The following GREB1L variants were observed in gnomAD, a reference collection of about 807,000 sequenced individuals.
GREB1L encodes the protein GREB1-like protein.
GREB1L carries 17 observed loss-of-function variants against 200.8 expected under a neutral mutation model. That is an observed-to-expected ratio of 0.08 (90% CI 0.06 to 0.13). GREB1L has a LOEUF of 0.13. Ranked by LOEUF, GREB1L falls within the 10% of genes least tolerant of loss-of-function variation. The pLI, the probability that GREB1L is intolerant of heterozygous loss-of-function variation, is 1.00. For synonymous variants in GREB1L, 789 were observed against 893.0 expected (o/e 0.88, Z 2.08); for missense variants, 1,657 against 2,367.7 (o/e 0.70, Z 6.23).
At chr18:21,517,990 A>G (rs1225074637) in intron 30 of GREB1L, 44 bp from the exon 31 acceptor site, 2 of 1,443,004 alleles carry the variant, frequency 1.4e-6, no homozygotes, top group African/African-American at 1.4e-5. Flanking sequence ...TGTTTAATCC[A>G]GTGACAGACA....
chr18:21,441,460 C>G lies in GREB1L; in HGVS notation c.1130C>G (p.Pro377Arg). The G allele has an allele frequency of 6.4e-7, 1 of 1,551,534 alleles. No homozygotes were observed. The highest frequency in any genetic ancestry group is 8.7e-7 in the Non-Finnish European group (1 of 1,146,848). ...CTAACTGGAATTTTACAACCCAGGC[C>G]CATTCCTGCAGGGGAAACTGTAATT... ...TPLTGILQPR[P>R]IPAGETVIVP... The change falls in exon 10 of 33, where the codon CCC (proline) becomes CGC (arginine). Residue 377 changes from proline (P) to arginine (R), a missense_variant. Pro to Arg is a moderately radical substitution (Grantham distance 103). Coordinates refer to ENST00000424526, the MANE Select transcript of GREB1L (RefSeq NM_001142966.3).
intron 1 of GREB1L, among the ~76,000 whole-genome samples, chr18:21,278,477 G>T (rs1322853263): frequency 6.6e-6 from 1 of 151,800 alleles, no homozygotes; most frequent in Non-Finnish European, 1.5e-5. Context: ...AGTGGTAAAT[G>T]TTGAGAATTT....
chr18:21,521,640 C>A (rs1315919954), intron 32 of GREB1L, among the ~76,000 whole-genome samples: 1 of 151,996 alleles, frequency 6.6e-6, no homozygotes, highest in Non-Finnish European at 1.5e-5. Context: ...GCACTGGAGG[C>A]TGCTGCTTGC....
intron 1 of GREB1L, among the ~76,000 whole-genome samples, chr18:21,350,945 A>G (rs1442689057): frequency 2.0e-5 from 3 of 151,916 alleles, no homozygotes; most frequent in African/African-American, 4.8e-5. Flanking sequence ...ACCTCATCTT[A>G]TTTATTCTCA....
At chr18:21,278,380 C>CAA (rs550496435) in intron 1 of GREB1L, among the ~76,000 whole-genome samples, 97 of 106,328 alleles carry the variant, frequency 9.1e-4, no homozygotes, top group Admixed American at 1.8e-3. Context: ...GACTCCATCT[C>CAA]AAAAAAAAAA....
chr18:21,391,261 A>G (rs1205047043), intron 4 of GREB1L, among the ~76,000 whole-genome samples: 1 of 152,168 alleles, frequency 6.6e-6, no homozygotes, highest in East Asian at 1.9e-4. Context: ...TTCTGTGTTT[A>G]CATATGTTTA....
intron 4 of GREB1L, among the ~76,000 whole-genome samples, chr18:21,394,797 T>C (rs540367336): frequency 2.6e-5 from 4 of 152,102 alleles, no homozygotes; most frequent in Admixed American, 2.6e-4. Flanking sequence ...AAGTTTGTTG[T>C]GTATTCACCA....
intron 7 of GREB1L, among the ~76,000 whole-genome samples, chr18:21,434,573 A>G (rs291789): frequency 0.033 from 4,154 of 127,620 alleles, 388 homozygotes; most frequent in African/African-American, 0.13. Context: ...ATATGTGTGT[A>G]TATATATATA....
chr18:21,299,747 C>T lies in GREB1L; in HGVS notation c.-120+57354C>T, dbSNP rs186016282. Among the ~76,000 whole-genome samples the T allele has an allele frequency of 5.7e-4, 86 of 152,210 alleles. 1 individual carries two copies. Among genetic ancestry groups the T allele is most frequent in the African/African-American group, 7.9e-4 (33 of 41,534 alleles). ...TTCAAATCTTGACATGCTATTTTCA[C>T]GCCCTTTCTTGGAATTCTGAAACCT... On this transcript the variant is annotated intron_variant, in intron 1 of 32. Transcript: ENST00000424526.
intron 15 of GREB1L, among the ~76,000 whole-genome samples, chr18:21,469,871 G>T (rs948242348): frequency 6.6e-6 from 1 of 151,964 alleles, no homozygotes; most frequent in African/African-American, 2.4e-5. Flanking sequence ...TATTAACAAA[G>T]AAATTCTTAA....
intron 7 of GREB1L, among the ~76,000 whole-genome samples, chr18:21,431,919 C>CTTTTTTTTT (rs773523492): frequency 1.6e-3 from 145 of 91,240 alleles, no homozygotes; most frequent in East Asian, 2.9e-3. Flanking sequence ...CTTTTCTTTT[C>CTTTTTTTTT]TTTTTTTTTT....
chr18:21,254,144 A>G (rs2037762343), intron 1 of GREB1L, among the ~76,000 whole-genome samples: 1 of 133,586 alleles, frequency 7.5e-6, no homozygotes, highest in Non-Finnish European at 1.5e-5. Flanking sequence ...ATCTTGACTC[A>G]TTGCAGCTTC....
In GREB1L at chr18:21,495,702, C is replaced by A; in HGVS notation, c.3063C>A (p.Ile1021=). ...GAGGAAATGAACCAGAAGAGTGGAT[C>A]CCTCGGACATACCAAGATTTAGACG... ...SWRGNEPEEW[I]PRTYQDLDGL... The change falls in exon 20 of 33, where the codon ATC becomes ATA. Residue 1021 remains isoleucine (I), a synonymous_variant. Coordinates refer to ENST00000424526, the MANE Select transcript of GREB1L (RefSeq NM_001142966.3). The A allele has an allele frequency of 1.3e-6, 2 of 1,542,234 alleles. No individual in the cohort carries two copies. The highest frequency in any genetic ancestry group is 1.8e-6 in the Non-Finnish European group (2 of 1,139,310).
At chr18:21,500,857 T>C (rs1200201537) in intron 23 of GREB1L, among the ~76,000 whole-genome samples, 1 of 152,106 alleles carries the variant, frequency 6.6e-6, no homozygotes, top group Non-Finnish European at 1.5e-5. Context: ...TCACCTGAGA[T>C]GGGGAGTTCA....
chr18:21,346,333 C>T (rs139044136), intron 1 of GREB1L, among the ~76,000 whole-genome samples: 64 of 152,226 alleles, frequency 4.2e-4, no homozygotes, highest in African/African-American at 1.5e-3. Context: ...TTTACTTCCT[C>T]ACAAGCCCCT....
At chr18:21,256,811 G>A (rs1177442530) in intron 1 of GREB1L, among the ~76,000 whole-genome samples, 17 of 151,912 alleles carry the variant, frequency 1.1e-4, no homozygotes, top group African/African-American at 3.9e-4. Context: ...ATCGAGACTA[G>A]CCTGGCTAAC....
intron 1 of GREB1L, among the ~76,000 whole-genome samples, chr18:21,297,216 A>G (rs2038543990): frequency 6.6e-6 from 1 of 152,180 alleles, no homozygotes; most frequent in South Asian, 2.1e-4. Flanking sequence ...ACTGCTGTAG[A>G]GAAAAGATGA....
At position 21,260,119 on chromosome 18, in the gene GREB1L, A is replaced by C. The variant is rs573885004; in HGVS notation, c.-120+17726A>C. ...TATTCTACTGATGTAGATTATATTG[A>C]GAAATAAATATTTGAAACATAGATC... is the stretch of plus-strand genomic sequence containing the variant. On this transcript the variant is annotated intron_variant, in intron 1 of 32. Coordinates refer to ENST00000424526, the MANE Select transcript of GREB1L (RefSeq NM_001142966.3). 2.6e-5 allele frequency among the ~76,000 whole-genome samples: 4 copies of C among 152,122 alleles called. No individual in the cohort carries two copies. The East Asian group carries it at 7.7e-4, about 29-fold the overall frequency.
intron 25 of GREB1L, among the ~76,000 whole-genome samples, chr18:21,507,103 A>T (rs1376648604): frequency 6.6e-6 from 1 of 152,200 alleles, no homozygotes; most frequent in Non-Finnish European, 1.5e-5. Context: ...CCCTTCTAAT[A>T]CAAGTTACCT....
Sources: allele counts gnomAD v4.1 joint callset (sites outside exome capture counted in the v4.1 genomes callset), GRCh38; gene constraint gnomAD v4.1.1; transcripts MANE v1.5; gene names NCBI Gene and HGNC (gene_info 2026-07-23, HGNC 2026-07-21).